Variants in PAM observed in about 807,000 individuals in gnomAD.
PAM encodes peptidyl-glycine alpha-amidating monooxygenase.
A neutral mutation model predicts 122.1 loss-of-function variants in PAM; 72 were observed. The ratio of observed to expected loss-of-function variants is 0.59; its 90% CI spans 0.49 to 0.72. The LOEUF (loss-of-function observed/expected upper bound fraction) is 0.72, where lower values mean the gene tolerates loss of function less well. Ranked by LOEUF, PAM falls within the 30% of genes least tolerant of loss-of-function variation. The probability of loss-of-function intolerance (pLI) is 0.00; values close to 1 mark genes in which losing one functional copy is unlikely to be tolerated. For synonymous variants in PAM, 389 were observed against 404.4 expected (o/e 0.96, Z 0.46); for missense variants, 1,106 against 1,183.7 (o/e 0.93, Z 0.96).
At chr5:102,914,077 C>A in intron 5 of PAM, 56 bp downstream of exon 5, 2 of 880,490 alleles carry the variant, frequency 2.3e-6, no homozygotes, top group Non-Finnish European at 3.9e-6. Flanking sequence ...TTTACAAGTG[C>A]AAAGTGTATC....
chr5:102,851,786 A>C (rs926415258), intron 1 of PAM, among the ~76,000 whole-genome samples: 1 of 152,202 alleles, frequency 6.6e-6, no homozygotes, highest in Non-Finnish European at 1.5e-5. Context: ...GTGCTATGTT[A>C]TTATTTATGG....
At chr5:102,977,569 G>A (rs1159088558) in intron 15 of PAM, among the ~76,000 whole-genome samples, 1 of 151,716 alleles carries the variant, frequency 6.6e-6, no homozygotes, top group Non-Finnish European at 1.5e-5. Context: ...AGATACACTA[G>A]ACCAGAGGTT....
intron 24 of PAM, among the ~76,000 whole-genome samples, chr5:103,027,285 T>C (rs1385331595): frequency 6.6e-6 from 1 of 152,212 alleles, no homozygotes. Flanking sequence ...TTTCTAACAG[T>C]CTTACCAGAT....
intron 17 of PAM, among the ~76,000 whole-genome samples, chr5:103,004,770 C>T (rs893946879): frequency 6.6e-6 from 1 of 152,106 alleles, no homozygotes; most frequent in African/African-American, 2.4e-5. Flanking sequence ...CATGTTTTAA[C>T]CGCAAACTAT....
At chr5:102,824,779 T>A (rs1237061591) in intron 1 of PAM, among the ~76,000 whole-genome samples, 1 of 83,336 alleles carries the variant, frequency 1.2e-5, no homozygotes, top group Non-Finnish European at 2.5e-5. Flanking sequence ...TAGAAACAAA[T>A]CACTTAAAAA....
chr5:102,994,324 G>A (rs1262908005), intron 16 of PAM, among the ~76,000 whole-genome samples: 1 of 152,074 alleles, frequency 6.6e-6, no homozygotes, highest in Non-Finnish European at 1.5e-5. Context: ...AGTAATACAG[G>A]ATTAATTTAT....
intron 16 of PAM, among the ~76,000 whole-genome samples, chr5:102,996,980 TTCTC>T (rs1166941027): frequency 1.3e-5 from 2 of 152,182 alleles, no homozygotes; most frequent in Non-Finnish European, 2.9e-5. Flanking sequence ...AATGAACAGA[TTCTC>T]TAATCAGTAA....
At chr5:102,889,699 C>G (rs1794204029) in intron 3 of PAM, among the ~76,000 whole-genome samples, 1 of 151,908 alleles carries the variant, frequency 6.6e-6, no homozygotes, top group Non-Finnish European at 1.5e-5. Context: ...GTGTCTCTGA[C>G]TCTGCATGAT....
intron 4 of PAM, among the ~76,000 whole-genome samples, chr5:102,902,870 A>G (rs1325278906): frequency 6.6e-6 from 1 of 151,556 alleles, no homozygotes; most frequent in Non-Finnish European, 1.5e-5. Flanking sequence ...TCTCACATTA[A>G]TAGGTTTGTT....
At chr5:103,005,108 C>T (rs1386043737) in intron 17 of PAM, 46 bp from the exon 18 acceptor site, 1 of 1,096,298 alleles carries the variant, frequency 9.1e-7, no homozygotes, top group East Asian at 2.4e-5. Flanking sequence ...GTCACATATG[C>T]CTTGAGAGTA....
At chr5:102,757,897 C>G (rs1750938237) in intron 1 of PAM, among the ~76,000 whole-genome samples, 1 of 151,230 alleles carries the variant, frequency 6.6e-6, no homozygotes, top group Non-Finnish European at 1.5e-5. Context: ...AAAAAAAAAG[C>G]CAGGTGTGGT....
chr5:102,874,282 C>T (rs976263246), intron 3 of PAM, among the ~76,000 whole-genome samples: 7 of 152,032 alleles, frequency 4.6e-5, no homozygotes, highest in African/African-American at 1.5e-4. Flanking sequence ...TCTGCTTTGT[C>T]GGCAAGTGTC....
At chr5:102,926,760 T>C (rs1749720887) in intron 7 of PAM, 92 bp downstream of exon 7, 3 of 706,470 alleles carry the variant, frequency 4.2e-6, no homozygotes, top group South Asian at 3.5e-5. Context: ...TTAAAAAGAA[T>C]TGCCCACACC....
At position 102,935,716 on chromosome 5, in the gene PAM, T is replaced by TAAAC. The variant is rs112614681; in HGVS notation, c.526+9050_526+9053dup. The stretch of plus-strand genomic sequence containing the variant: ...TAAAAAATTTTACTCAGTGTTTACT[T>TAAAC]AAACAGACTCCTTATAATGTTTCAT... On this transcript the variant is annotated intron_variant, in intron 7 of 25. Transcript: ENST00000438793. 5.1e-3 allele frequency among the ~76,000 whole-genome samples: 773 copies of TAAAC among 152,298 alleles called. 7 individuals are homozygous for TAAAC. The highest frequency in any genetic ancestry group is 0.018 in the African/African-American group (740 of 41,576).
chr5:103,010,893 T>C (rs1357074144), intron 21 of PAM, among the ~76,000 whole-genome samples: 2 of 152,124 alleles, frequency 1.3e-5, no homozygotes, highest in Admixed American at 6.5e-5. Context: ...GAAAATTGGG[T>C]ATCCATCCCC....
intron 1 of PAM, among the ~76,000 whole-genome samples, chr5:102,821,308 G>A (rs1366797229): frequency 2.6e-5 from 4 of 152,158 alleles, no homozygotes; most frequent in African/African-American, 7.2e-5. Flanking sequence ...ATTGGAATAA[G>A]TGTTATAAAG....
chr5:103,009,651 G>T (rs1780040791), intron 20 of PAM, 100 bp from the exon 21 acceptor site: 1 of 695,700 alleles, frequency 1.4e-6, no homozygotes, highest in South Asian at 1.5e-5. Context: ...TAGGGACCAG[G>T]TTGACCCTAA....
rs1289379809 is a variant in PAM, at chr5:102,820,682, G to T, written c.-373-45141G>T. ...TATTATGCATAACAACATAAATTCT[G>T]TATATAATGAAATAATAATGAAAAA... On this transcript the variant is annotated intron_variant, in intron 1 of 25. Transcript: ENST00000438793. Among the ~76,000 whole-genome samples the T allele has an allele frequency of 3.9e-5, 6 of 152,200 alleles. No homozygotes were observed. In the East Asian group the frequency reaches 1.2e-3, roughly 29 times the overall value.
At chr5:102,761,313 A>G (rs1752296360) in intron 1 of PAM, among the ~76,000 whole-genome samples, 1 of 152,206 alleles carries the variant, frequency 6.6e-6, no homozygotes, top group Admixed American at 6.5e-5. Context: ...CTGCTTCCCT[A>G]TCAGATAGGA....
Sources: allele counts gnomAD v4.1 joint callset (sites outside exome capture counted in the v4.1 genomes callset), GRCh38; gene constraint gnomAD v4.1.1; transcripts MANE v1.5; gene names NCBI Gene and HGNC (gene_info 2026-07-23, HGNC 2026-07-21).